The following PPP3CA variants were observed in gnomAD, a reference collection of about 807,000 sequenced individuals.
PPP3CA encodes the protein protein phosphatase 3 catalytic subunit alpha.
A neutral mutation model predicts 66.5 loss-of-function variants in PPP3CA; 14 were observed. The ratio of observed to expected loss-of-function variants is 0.21; its 90% confidence interval spans 0.14 to 0.33. PPP3CA has a LOEUF of 0.33. Ranked by LOEUF, PPP3CA falls within the 10% of genes least tolerant of loss-of-function variation. The pLI, the probability that PPP3CA is intolerant of heterozygous loss-of-function variation, is 1.00. For synonymous variants in PPP3CA, 232 were observed against 226.2 expected (o/e 1.03, Z -0.23); for missense variants, 317 against 639.5 (o/e 0.50, Z 5.44).
At chr4:101,263,915 T>C (rs1727086088) in intron 1 of PPP3CA, among the ~76,000 whole-genome samples, 1 of 152,168 alleles carries the variant, frequency 6.6e-6, no homozygotes, top group Admixed American at 6.6e-5. Context: ...TCTTCTCACT[T>C]TACCAGGTTA....
intron 2 of PPP3CA, among the ~76,000 whole-genome samples, chr4:101,117,194 A>C (rs1721862828): frequency 6.6e-6 from 1 of 151,886 alleles, no homozygotes; most frequent in Non-Finnish European, 1.5e-5. Context: ...TGTAGATTAC[A>C]ATAGTTATTA....
intron 1 of PPP3CA, among the ~76,000 whole-genome samples, chr4:101,207,375 C>T (rs1308447117): frequency 6.6e-6 from 1 of 152,166 alleles, no homozygotes; most frequent in Non-Finnish European, 1.5e-5. Context: ...TAGACTAACA[C>T]TTTCTCAGCA....
chr4:101,055,591 A>C (rs1247492777), intron 10 of PPP3CA, among the ~76,000 whole-genome samples: 2 of 152,154 alleles, frequency 1.3e-5, no homozygotes, highest in Non-Finnish European at 2.9e-5. Flanking sequence ...CTTTTTCCAG[A>C]CAGCCTATCA....
intron 1 of PPP3CA, among the ~76,000 whole-genome samples, chr4:101,282,255 C>A (rs1727708644): frequency 6.6e-6 from 1 of 152,120 alleles, no homozygotes; most frequent in Admixed American, 6.5e-5. Context: ...GCCCCTGCAA[C>A]CAAGAGCTAA....
At chr4:101,168,185 A>T (rs1005379940) in intron 2 of PPP3CA, among the ~76,000 whole-genome samples, 1 of 152,214 alleles carries the variant, frequency 6.6e-6, no homozygotes, top group East Asian at 1.9e-4. Flanking sequence ...GTTTAAAGAC[A>T]GAGCTAAAAG....
At chr4:101,280,871 T>G (rs1334439081) in intron 1 of PPP3CA, among the ~76,000 whole-genome samples, 1 of 146,500 alleles carries the variant, frequency 6.8e-6, no homozygotes, top group Non-Finnish European at 1.5e-5. Context: ...AAAAGAAGAA[T>G]GCTTGAGCTC....
intron 1 of PPP3CA, chr4:101,250,445 T>C: frequency 2.3e-6 from 1 of 431,546 alleles, no homozygotes; most frequent in South Asian, 1.7e-5. Flanking sequence ...TATTGTTATG[T>C]TACATAGAAA....
chr4:101,314,099 C>A (rs1303250456), intron 1 of PPP3CA, among the ~76,000 whole-genome samples: 1 of 152,158 alleles, frequency 6.6e-6, no homozygotes, highest in East Asian at 1.9e-4. Context: ...CCAACAATTT[C>A]ATCACCTACC....
chr4:101,326,603 G>C (rs1729216089), intron 1 of PPP3CA, among the ~76,000 whole-genome samples: 1 of 152,184 alleles, frequency 6.6e-6, no homozygotes. Context: ...TTCTAGACTA[G>C]ATTCCATCAC....
chr4:101,037,756 C>A (rs1043273091), intron 11 of PPP3CA, among the ~76,000 whole-genome samples: 4 of 152,160 alleles, frequency 2.6e-5, no homozygotes, highest in South Asian at 2.1e-4. Context: ...CCTACACACA[C>A]AAAAATTAAA....
intron 1 of PPP3CA, among the ~76,000 whole-genome samples, chr4:101,203,942 TAA>T (rs568037759): frequency 6.5e-4 from 99 of 152,332 alleles, no homozygotes; most frequent in African/African-American, 2.3e-3. Flanking sequence ...GCATTATTGA[TAA>T]GTTTAAATAA....
chr4:101,305,152 C>G (rs1198821490), intron 1 of PPP3CA, among the ~76,000 whole-genome samples: 1 of 152,172 alleles, frequency 6.6e-6, no homozygotes, highest in Non-Finnish European at 1.5e-5. Context: ...TTCTGCTTAT[C>G]TGAAATCAGA....
chr4:101,282,654 A>G (rs1389101781), intron 1 of PPP3CA, among the ~76,000 whole-genome samples: 2 of 152,076 alleles, frequency 1.3e-5, no homozygotes, highest in African/African-American at 4.8e-5. Context: ...ATGTCCAAAG[A>G]CTGGGGTAGA....
chr4:101,295,411 T>C (rs938538478), intron 1 of PPP3CA, among the ~76,000 whole-genome samples: 7 of 151,698 alleles, frequency 4.6e-5, no homozygotes, highest in Admixed American at 2.6e-4. Context: ...AAAACGGTCA[T>C]CTATTTTCTA....
chr4:101,174,106 G>A (rs1428332205), intron 2 of PPP3CA, among the ~76,000 whole-genome samples: 2 of 150,874 alleles, frequency 1.3e-5, no homozygotes, highest in East Asian at 3.9e-4. Context: ...CACCCCGCCA[G>A]AAAAACAAAC....
At chr4:101,187,948 CA>C (rs949711140) in intron 2 of PPP3CA, among the ~76,000 whole-genome samples, 4 of 152,156 alleles carry the variant, frequency 2.6e-5, no homozygotes, top group African/African-American at 9.6e-5. Flanking sequence ...GAAATGAAAA[CA>C]AATGTCTGCA....
rs1025356635 is a variant in PPP3CA, at chr4:101,153,198, C to T, written c.259+42718G>A. Among the ~76,000 whole-genome samples the T allele has an allele frequency of 5.3e-5, 8 of 152,178 alleles. No individual in the cohort carries two copies. In the East Asian group the frequency reaches 1.4e-3, roughly 26 times the overall value. ...GCTATTAAAGGGTTTTGTGTAGGGA[C>T]AGTGGACTGACTTGTATGTGCAGAA... On this transcript the variant is annotated intron_variant, in intron 2 of 13. Transcript: ENST00000394854.
intron 1 of PPP3CA, among the ~76,000 whole-genome samples, chr4:101,268,600 A>G (rs1463538646): frequency 6.6e-6 from 1 of 152,200 alleles, no homozygotes; most frequent in African/African-American, 2.4e-5. Context: ...TGAACTAAAG[A>G]TAATAAAATT....
intron 1 of PPP3CA, among the ~76,000 whole-genome samples, chr4:101,266,489 G>A (rs1020034038): frequency 2.0e-5 from 3 of 152,140 alleles, no homozygotes; most frequent in Non-Finnish European, 4.4e-5. Flanking sequence ...TATATAGCGT[G>A]ATTAATCTTT....
Sources: gnomAD v4.1 joint callset for allele counts (sites outside exome capture counted in the v4.1 genomes callset) on GRCh38, gnomAD v4.1.1 for gene constraint, MANE v1.5 for transcripts, NCBI Gene and HGNC (gene_info 2026-07-23, HGNC 2026-07-21) for gene names.